Variants in REDIC1 observed in about 807,000 individuals in gnomAD.
REDIC1 encodes regulator of DNA class I crossover intermediates 1.
the REDIC1 span, chr12:39,683,525 T>C: frequency 2.0e-5 from 28 of 1,410,030 alleles, no homozygotes; most frequent in Non-Finnish European, 2.6e-5. Context: ...AATCAGGATC[T>C]AGTATGATGC....
chr12:39,673,129 C>A, the REDIC1 span, among the ~76,000 whole-genome samples: 4 of 152,110 alleles, frequency 2.6e-5, no homozygotes, highest in African/African-American at 7.2e-5. Context: ...GCTAGGCCAT[C>A]TGCCTAGCCT....
At chr12:39,772,071 T>G in the REDIC1 span, among the ~76,000 whole-genome samples, 1 of 152,120 alleles carries the variant, frequency 6.6e-6, no homozygotes, top group Admixed American at 6.5e-5. Context: ...TCAACTCCTT[T>G]TCACTTTCCT....
chr12:39,892,300 T>C, the REDIC1 span, among the ~76,000 whole-genome samples: 7,022 of 152,214 alleles, frequency 0.046, 298 homozygotes, highest in Admixed American at 0.13. Flanking sequence ...TTTCAGCTTG[T>C]TTGGGTCACA....
chr12:39,733,250 A>C, the REDIC1 span, among the ~76,000 whole-genome samples: 4 of 152,184 alleles, frequency 2.6e-5, no homozygotes, highest in South Asian at 8.3e-4. Context: ...AAAATGTTGA[A>C]ATGTTTGATA....
chr12:39,631,933 T>C, the REDIC1 span, among the ~76,000 whole-genome samples: 59 of 152,192 alleles, frequency 3.9e-4, no homozygotes, highest in African/African-American at 1.3e-3. Context: ...TAATTGATGA[T>C]AGCACATGTA....
At chr12:39,708,526 A>G in the REDIC1 span, among the ~76,000 whole-genome samples, 1 of 151,774 alleles carries the variant, frequency 6.6e-6, no homozygotes, top group Non-Finnish European at 1.5e-5. Context: ...TGAACTTACC[A>G]TATTTTCTTC....
At chr12:39,676,769 C>A in the REDIC1 span, among the ~76,000 whole-genome samples, 1 of 151,884 alleles carries the variant, frequency 6.6e-6, no homozygotes, top group Non-Finnish European at 1.5e-5. Context: ...CAGCAGAAAC[C>A]CTACAAGCCA....
chr12:39,670,806 A>T, the REDIC1 span, among the ~76,000 whole-genome samples: 1 of 151,208 alleles, frequency 6.6e-6, no homozygotes, highest in Admixed American at 6.6e-5. Flanking sequence ...TAAGTTCTGA[A>T]ACTCTTCTGT....
At chr12:39,668,531 G>C in the REDIC1 span, among the ~76,000 whole-genome samples, 1 of 152,118 alleles carries the variant, frequency 6.6e-6, no homozygotes, top group East Asian at 1.9e-4. Flanking sequence ...TGGTGAATCT[G>C]ACAATTATGT....
chr12:39,752,953 T>G, the REDIC1 span, among the ~76,000 whole-genome samples: 2 of 152,204 alleles, frequency 1.3e-5, no homozygotes, highest in Non-Finnish European at 2.9e-5. Flanking sequence ...CTTCCTGAGC[T>G]GTATCCTCAG....
the REDIC1 span, among the ~76,000 whole-genome samples, chr12:39,664,186 T>C: frequency 6.6e-6 from 1 of 151,948 alleles, no homozygotes; most frequent in Non-Finnish European, 1.5e-5. Context: ...TAACTCGTCA[T>C]TTAACATTAG....
the REDIC1 span, among the ~76,000 whole-genome samples, chr12:39,768,854 G>A: frequency 6.6e-6 from 1 of 152,050 alleles, no homozygotes; most frequent in African/African-American, 2.4e-5. Context: ...AGACTGGCTT[G>A]ATGCAGGGCT....
chr12:39,779,167 G>C, the REDIC1 span, among the ~76,000 whole-genome samples: 24 of 152,270 alleles, frequency 1.6e-4, no homozygotes, highest in South Asian at 5.0e-3. Flanking sequence ...CTGAAGACTG[G>C]TTTTTCTTAC....
At chr12:39,731,498 T>C in the REDIC1 span, among the ~76,000 whole-genome samples, 1 of 152,154 alleles carries the variant, frequency 6.6e-6, no homozygotes, top group African/African-American at 2.4e-5. Context: ...ACAGCAAAGA[T>C]TTCTGCCTGT....
the REDIC1 span, among the ~76,000 whole-genome samples, chr12:39,768,442 A>G: frequency 2.6e-5 from 4 of 152,230 alleles, no homozygotes; most frequent in African/African-American, 9.6e-5. Flanking sequence ...CTTTCAGCCT[A>G]TCTCAGCTTT....
chr12:39,723,441 T>A, the REDIC1 span, among the ~76,000 whole-genome samples: 71 of 152,002 alleles, frequency 4.7e-4, no homozygotes, highest in Admixed American at 7.9e-4. Flanking sequence ...AAAGTGAGTA[T>A]GGATTTGCAA....
At chr12:39,814,516 C>G in the REDIC1 span, among the ~76,000 whole-genome samples, 5 of 151,774 alleles carry the variant, frequency 3.3e-5, no homozygotes, top group African/African-American at 9.7e-5. Context: ...TACAATTTAA[C>G]AAAAATTAAT....
chr12:39,829,420 T>TTTTTTTTG, the REDIC1 span: 1 of 124,708 alleles, frequency 8.0e-6, no homozygotes, highest in African/African-American at 3.1e-5. Context: ...TTTTTTCTTT[T>TTTTTTTTG]TTTTGAGGCA....
At chr12:39,682,643 C>A in the REDIC1 span, 1 of 1,599,822 alleles carries the variant, frequency 6.3e-7, no homozygotes, top group Admixed American at 1.7e-5. Flanking sequence ...ACTAAAAGCC[C>A]TGCTGTAATT....
Sources: allele counts gnomAD v4.1 joint callset (sites outside exome capture counted in the v4.1 genomes callset), GRCh38; gene constraint gnomAD v4.1.1; transcripts MANE v1.5; gene names NCBI Gene and HGNC (gene_info 2026-07-23, HGNC 2026-07-21).